SHCBP1: variants seen among roughly 807,000 people sequenced by gnomAD.
The protein encoded by SHCBP1 is SHC SH2 domain-binding protein 1.
SHCBP1 carries 60 observed loss-of-function variants against 75.1 expected under a neutral mutation model. That is an observed-to-expected ratio of 0.80 (90% CI 0.65 to 0.99). SHCBP1 has a LOEUF of 0.99. Ranked by LOEUF, SHCBP1 falls within the 50% of genes least tolerant of loss-of-function variation. The pLI, the probability that SHCBP1 is intolerant of heterozygous loss-of-function variation, is 0.00. For missense variants in SHCBP1, 709 were observed against 809.4 expected, an observed-to-expected ratio of 0.88 and a Z score of 1.50; for synonymous variants, 290 against 293.2, an observed-to-expected ratio of 0.99 and a Z score of 0.11.
At chr16:46,606,403 G>C (rs1408119491) in intron 5 of SHCBP1, among the ~76,000 whole-genome samples, 2 of 152,104 alleles carry the variant, frequency 1.3e-5, no homozygotes, top group African/African-American at 2.4e-5. Flanking sequence ...TCTCCATCAA[G>C]TACCACCGTG....
intron 10 of SHCBP1, among the ~76,000 whole-genome samples, chr16:46,592,014 A>G (rs1268696075): frequency 1.3e-5 from 2 of 152,220 alleles, no homozygotes; most frequent in African/African-American, 4.8e-5. Context: ...AAAAGTCTCA[A>G]ATCAATAATC....
In SHCBP1 at chr16:46,604,420, A is replaced by G. The variant is rs775811918; in HGVS notation, c.731T>C (p.Ile244Thr). 5.9e-5 allele frequency: 95 copies of G among 1,613,930 alleles called. No individual in the cohort carries two copies. The highest frequency in any genetic ancestry group is 1.6e-4 in the Middle Eastern group (1 of 6,082). ...AGACAACAGATTGTGGTAGTCAACA[A>G]TAAGTCCTGATGGAACTCGGTCTTC... ...ILEDRVPSGLIVDYHNLLSQC... is the reference protein window; with the variant it reads ...ILEDRVPSGLTVDYHNLLSQC... Residue 244 changes from isoleucine to threonine, a missense_variant, in exon 6 of 13, where the codon ATT (isoleucine) becomes ACT (threonine). Ile to Thr is a moderately conservative substitution (Grantham distance 89). Coordinates refer to ENST00000303383, the MANE Select transcript of SHCBP1 (RefSeq NM_024745.5).
chr16:46,604,099 C>G lies in SHCBP1; in HGVS notation c.968G>C (p.Gly323Ala). 1 of 1,614,132 alleles carries G rather than the reference C, an allele frequency of 6.2e-7. No homozygotes were observed. The highest frequency in any genetic ancestry group is 8.5e-7 in the Non-Finnish European group (1 of 1,180,018). ...GATCTTCTGACCGCTGGAACGGACA[C>G]CCTTTGCTTGGATGTTAGAATTCTT... ...YQKNSNIQAK[G>A]VRSSGQKITH... The change falls in exon 7 of 13, where the codon GGT (glycine) becomes GCT (alanine). Residue 323 changes from glycine to alanine, a missense_variant. Physicochemically the swap from Gly to Ala is moderately conservative, Grantham distance 60. Transcript: ENST00000303383.
chr16:46,609,813 A>G (rs1447439874), intron 4 of SHCBP1, among the ~76,000 whole-genome samples: 1 of 151,952 alleles, frequency 6.6e-6, no homozygotes, highest in African/African-American at 2.4e-5. Flanking sequence ...AAAATCCTAA[A>G]CATATACAAC....
At position 46,600,137 on chromosome 16, in the gene SHCBP1, G is replaced by A. The variant is rs181439764; in HGVS notation, c.1214-175C>T. Among the ~76,000 whole-genome samples the A allele has an allele frequency of 1.6e-4, 25 of 152,160 alleles. No individual in the cohort carries two copies. The East Asian group carries it at 4.8e-3, about 29-fold the overall frequency. Reference sequence around the variant, plus strand: ...CATATCCTGTTTAATTTAAATCAGGGTATCCAATTTTTAACAATAACAACT... The same window carrying A: ...CATATCCTGTTTAATTTAAATCAGGATATCCAATTTTTAACAATAACAACT... On this transcript the variant is annotated intron_variant, in intron 8 of 12. Coordinates refer to ENST00000303383, the MANE Select transcript of SHCBP1 (RefSeq NM_024745.5).
rs527501804 is a variant in SHCBP1, at chr16:46,579,592, G to C, written c.*2137C>G. 4.6e-5 allele frequency among the ~76,000 whole-genome samples: 7 copies of C among 152,144 alleles called. No homozygotes were observed. The highest frequency in any genetic ancestry group is 1.7e-4 in the African/African-American group (7 of 41,510). On this transcript the variant is annotated 3_prime_UTR_variant, in exon 13 of 13. Coordinates refer to ENST00000303383, the MANE Select transcript of SHCBP1 (RefSeq NM_024745.5). ...AGGTGGGTGGATCACTTGAGGTCAG[G>C]AGTTTGAGAACAGCCTGGGCAACAT...
intron 7 of SHCBP1, 134 bp from the exon 8 acceptor site, chr16:46,603,793 C>A: frequency 2.7e-5 from 35 of 1,315,832 alleles, no homozygotes; most frequent in Non-Finnish European, 3.6e-5. Flanking sequence ...CCTTTGATAG[C>A]GCACTGACCT....
At chr16:46,600,923 T>C (rs1292476656) in intron 8 of SHCBP1, among the ~76,000 whole-genome samples, 3 of 151,970 alleles carry the variant, frequency 2.0e-5, no homozygotes, top group Admixed American at 1.3e-4. Flanking sequence ...GGTGGGAGAA[T>C]TGCTTGAACC....
In SHCBP1 at chr16:46,578,904, A is replaced by C. The variant is rs897971142; in HGVS notation, c.*2825T>G. Among the ~76,000 whole-genome samples, 3 of 152,156 alleles carry C rather than the reference A, an allele frequency of 2.0e-5. No homozygotes were observed. Among genetic ancestry groups the C allele is most frequent in the Admixed American group, 1.3e-4 (2 of 15,280 alleles). On this transcript the variant is annotated 3_prime_UTR_variant, in exon 13 of 13. Coordinates refer to ENST00000303383, the MANE Select transcript of SHCBP1 (RefSeq NM_024745.5). ...TATGAGCTCATCAGTGTTCTATTGA[A>C]CTTTCTTCAATCTCCCTCTGAAAAG...
At chr16:46,583,982 G>A (rs754068208) in intron 11 of SHCBP1, 21 bp downstream of exon 11, 1 of 1,578,944 alleles carries the variant, frequency 6.3e-7, no homozygotes, top group Non-Finnish European at 8.6e-7. Flanking sequence ...TTGAAAAGTG[G>A]GTGTTTTGGC....
chr16:46,603,889 C>T, intron 7 of SHCBP1, 86 bp downstream of exon 7: 1 of 1,504,332 alleles, frequency 6.6e-7, no homozygotes, highest in Non-Finnish European at 8.9e-7. Flanking sequence ...TGGGAAAGCT[C>T]CTGTAAATAC....
At chr16:46,615,865 G>A (rs1596690524) in intron 4 of SHCBP1, 81 bp downstream of exon 4, 2 of 1,263,430 alleles carry the variant, frequency 1.6e-6, no homozygotes, top group Admixed American at 1.8e-5. Context: ...TTTTAAATCT[G>A]GGTCTAACAC....
Position 46,604,282 on chromosome 16 carries a change from G to T in SHCBP1, c.869C>A (p.Ser290Ter). The change falls in exon 6 of 13, where the codon TCG becomes TAG. Residue 290 changes from serine to a stop codon, truncating the protein, a stop_gained. Coordinates refer to ENST00000303383, the MANE Select transcript of SHCBP1 (RefSeq NM_024745.5). LOFTEE classifies it high-confidence loss of function. ...ISMVEGLKLYSEMEQLKQKLK... is the reference protein window; with the variant it reads ...ISMVEGLKLY The stretch of plus-strand genomic sequence containing the variant: ...CTTTTGTTTCAACTGTTCCATCTCC[G>T]AATACAATTTTAACCCTTCCACCAT... 1 of 1,614,092 alleles carries T rather than the reference G, an allele frequency of 6.2e-7. No individual in the cohort carries two copies. Among genetic ancestry groups the T allele is most frequent in the Non-Finnish European group, 8.5e-7 (1 of 1,180,022 alleles).
Position 46,618,379 on chromosome 16 carries a change from A to G in SHCBP1, c.104-7T>C, listed in dbSNP as rs1223320363. 1.3e-6 allele frequency: 2 copies of G among 1,570,606 alleles called. No individual in the cohort carries two copies. Among genetic ancestry groups the G allele is most frequent in the Non-Finnish European group, 1.7e-6 (2 of 1,164,198 alleles). ...TCTTCATCTTGGAACAAACCTAAAAAAAAAAAGCAAAAATAAGCAAGCTCC... is the reference window on the plus strand; with the variant it reads ...TCTTCATCTTGGAACAAACCTAAAAGAAAAAAGCAAAAATAAGCAAGCTCC... On this transcript the variant is annotated splice_region_variant and splice_polypyrimidine_tract_variant and intron_variant, in intron 1 of 12. Transcript: ENST00000303383.
chr16:46,600,600 TAA>T (rs1965217589), intron 8 of SHCBP1, among the ~76,000 whole-genome samples: 1 of 152,234 alleles, frequency 6.6e-6, no homozygotes, highest in Non-Finnish European at 1.5e-5. Flanking sequence ...TGAATAAACC[TAA>T]ACAGTTCTCA....
At chr16:46,589,810 G>A (rs1426521551) in intron 10 of SHCBP1, among the ~76,000 whole-genome samples, 3 of 152,050 alleles carry the variant, frequency 2.0e-5, no homozygotes, top group African/African-American at 7.2e-5. Flanking sequence ...CACAGAATTG[G>A]AAAAACTACT....
At chr16:46,591,671 A>G (rs1384590587) in intron 10 of SHCBP1, among the ~76,000 whole-genome samples, 1 of 152,144 alleles carries the variant, frequency 6.6e-6, no homozygotes, top group Non-Finnish European at 1.5e-5. Context: ...GACATTTTAT[A>G]GAATATACCA....
In SHCBP1 at chr16:46,591,473, T is replaced by C. The variant is rs372865683; in HGVS notation, c.1464+4079A>G. 1.3e-3 allele frequency among the ~76,000 whole-genome samples: 199 copies of C among 151,770 alleles called. 3 individuals are homozygous for C. The South Asian group carries it at 0.04, about 31-fold the overall frequency. The stretch of plus-strand genomic sequence containing the variant: ...CTGACTCACCAAAAAGACACAGCAA[T>C]CCTAAGTGAGCATACACCAAACAGA... On this transcript the variant is annotated intron_variant, in intron 10 of 12. Coordinates refer to ENST00000303383, the MANE Select transcript of SHCBP1 (RefSeq NM_024745.5).
Position 46,599,910 on chromosome 16 carries a change from A to T in SHCBP1, c.1266T>A (p.Thr422=). 6.2e-7 allele frequency: 1 copy of T among 1,613,730 alleles called. No individual in the cohort carries two copies. The highest frequency in any genetic ancestry group is 8.5e-7 in the Non-Finnish European group (1 of 1,179,896). Residue 422 remains threonine, a synonymous_variant, in exon 9 of 13, where the codon ACT becomes ACA. Coordinates refer to ENST00000303383, the MANE Select transcript of SHCBP1 (RefSeq NM_024745.5). Reference sequence around the variant, plus strand: ...TATCAGCACCAGTGCAGTCCACAAAAGTGTCGCCTTTGCCCCTCTTTTCTA... The same window carrying T: ...TATCAGCACCAGTGCAGTCCACAAATGTGTCGCCTTTGCCCCTCTTTTCTA... ...IVIEKRGKGD[T]FVDCTGADIK... is the part of the protein sequence containing the mutation.
Sources: gnomAD v4.1 joint callset for allele counts (sites outside exome capture counted in the v4.1 genomes callset) on GRCh38, gnomAD v4.1.1 for gene constraint, MANE v1.5 for transcripts, NCBI Gene and HGNC (gene_info 2026-07-23, HGNC 2026-07-21) for gene names.